TRA2B: variants seen among roughly 807,000 people sequenced by gnomAD.
The protein encoded by TRA2B is transformer 2 beta homolog.
TRA2B carries 14 observed loss-of-function variants against 41.7 expected under a neutral mutation model. The observed-to-expected ratio is 0.34, with a 90% confidence interval of 0.22 to 0.53. The LOEUF (loss-of-function observed/expected upper bound fraction) is 0.53, where lower values mean the gene tolerates loss of function less well. Ranked by LOEUF, TRA2B falls within the 20% of genes least tolerant of loss-of-function variation. TRA2B has a pLI of 0.95. For missense variants in TRA2B, 167 were observed against 396.8 expected (o/e 0.42, Z 4.92); for synonymous variants, 130 against 128.8 (o/e 1.01, Z -0.06).
chr3:185,937,945 C>A lies in TRA2B; in HGVS notation c.-85G>T, dbSNP rs954701002. On this transcript the variant is annotated 5_prime_UTR_variant, in exon 1 of 9. Coordinates refer to ENST00000453386, the MANE Select transcript of TRA2B (RefSeq NM_004593.3). ...CTTCCTTAAGGAGGCTCCGCCGCAG[C>A]CCCGCACGACGCGCCGGTCGCCCAG... 28 of 1,536,392 alleles carry A rather than the reference C, an allele frequency of 1.8e-5. No homozygotes were observed. The African/African-American group carries it at 3.8e-4, about 21-fold the overall frequency.
intron 3 of TRA2B, 78 bp downstream of exon 3, chr3:185,925,386 A>G: frequency 1.3e-6 from 2 of 1,528,622 alleles, no homozygotes; most frequent in South Asian, 1.3e-5. Context: ...CTAAAGCTCT[A>G]TTGTCAAAAT....
At chr3:185,923,322 T>C (rs1033678063) in intron 4 of TRA2B, 3 of 152,446 alleles carry the variant, frequency 2.0e-5, no homozygotes, top group African/African-American at 7.2e-5. Flanking sequence ...TACTTGGAGA[T>C]GACTTTAGCT....
At chr3:185,919,588 A>C (rs910352114) in intron 6 of TRA2B, 92 bp from the exon 7 acceptor site, 69 of 1,018,798 alleles carry the variant, frequency 6.8e-5, no homozygotes, top group Non-Finnish European at 9.5e-5. Context: ...ACTTTCATAG[A>C]GCATGAATGA....
intron 1 of TRA2B, among the ~76,000 whole-genome samples, chr3:185,937,622 G>T (rs534549193): frequency 7.9e-5 from 12 of 152,222 alleles, no homozygotes; most frequent in Non-Finnish European, 1.6e-4. Context: ...CCCGCCGGGG[G>T]CCTCCCTCCT....
At chr3:185,926,834 T>C in intron 1 of TRA2B, 100 bp from the exon 2 acceptor site, 1 of 1,438,038 alleles carries the variant, frequency 7.0e-7, no homozygotes, top group Non-Finnish European at 9.4e-7. Context: ...GCAATCCCCT[T>C]CCAAGATAAG....
chr3:185,918,063 G>A (rs1416456836), intron 8 of TRA2B, among the ~76,000 whole-genome samples: 2 of 151,930 alleles, frequency 1.3e-5, no homozygotes, highest in Non-Finnish European at 2.9e-5. Flanking sequence ...AACAACAGGA[G>A]TCTCTGAGCC....
chr3:185,926,881 T>C, intron 1 of TRA2B, 147 bp from the exon 2 acceptor site: 1 of 878,926 alleles, frequency 1.1e-6, no homozygotes, highest in Non-Finnish European at 1.7e-6. Context: ...ATATACCTGG[T>C]GTTAATAGTT....
chr3:185,926,872 T>A (rs532384502), intron 1 of TRA2B, 138 bp from the exon 2 acceptor site: 1 of 981,360 alleles, frequency 1.0e-6, no homozygotes, highest in East Asian at 2.7e-5. Flanking sequence ...AGGAACTGAA[T>A]ATACCTGGTG....
At chr3:185,934,582 A>C (rs943037030) in intron 1 of TRA2B, 1 of 985,398 alleles carries the variant, frequency 1.0e-6, no homozygotes. Context: ...CACAATACAA[A>C]ACAATTTCCT....
chr3:185,937,708 C>A (rs987611492), intron 1 of TRA2B, 117 bp downstream of exon 1: 2 of 1,434,498 alleles, frequency 1.4e-6, no homozygotes, highest in African/African-American at 2.8e-5. Context: ...CCTGCCCTCC[C>A]GGCTTCAGAC....
chr3:185,932,117 A>G (rs1279419982), intron 1 of TRA2B, among the ~76,000 whole-genome samples: 8 of 152,176 alleles, frequency 5.3e-5, no homozygotes, highest in African/African-American at 1.7e-4. Flanking sequence ...TTTACTGTTC[A>G]TTTAACATTT....
intron 1 of TRA2B, chr3:185,927,920 C>G (rs745548311): frequency 1.3e-5 from 2 of 152,160 alleles, no homozygotes; most frequent in African/African-American, 2.4e-5. Context: ...CAAAGTAAAG[C>G]CTGGTAAGCC....
At chr3:185,930,629 T>A (rs769971089) in intron 1 of TRA2B, among the ~76,000 whole-genome samples, 5 of 152,180 alleles carry the variant, frequency 3.3e-5, no homozygotes, top group Non-Finnish European at 5.9e-5. Context: ...TGTGTACTTG[T>A]CTCATTCAAC....
intron 1 of TRA2B, chr3:185,937,394 T>G: frequency 1.0e-6 from 1 of 1,002,554 alleles, no homozygotes; most frequent in Non-Finnish European, 1.2e-6. Flanking sequence ...CCGCTGCGGG[T>G]CGGGTCCGCG....
chr3:185,936,123 G>C (rs1744342647), intron 1 of TRA2B: 2 of 985,250 alleles, frequency 2.0e-6, no homozygotes, highest in African/African-American at 1.7e-5. Context: ...TTCTTCACGT[G>C]TATTCAATCG....
chr3:185,925,424 T>G, intron 3 of TRA2B, 40 bp downstream of exon 3: 1 of 1,599,408 alleles, frequency 6.3e-7, no homozygotes, highest in Non-Finnish European at 8.5e-7. Flanking sequence ...AAAAGTAAAT[T>G]TAGGCAGTTG....
intron 1 of TRA2B, chr3:185,935,485 G>C (rs1169496430): frequency 2.0e-6 from 2 of 985,284 alleles, no homozygotes; most frequent in Non-Finnish European, 2.4e-6. Context: ...CCTTAAAGGG[G>C]AGGGACACAA....
At chr3:185,928,782 G>A (rs966822807) in intron 1 of TRA2B, 2 of 152,212 alleles carry the variant, frequency 1.3e-5, no homozygotes, top group African/African-American at 4.8e-5. Context: ...TAAAGTAACT[G>A]TAGTTAACAG....
intron 6 of TRA2B, among the ~76,000 whole-genome samples, 172 bp downstream of exon 6, chr3:185,920,932 C>T (rs1349076121): frequency 6.6e-6 from 1 of 151,418 alleles, no homozygotes; most frequent in African/African-American, 2.4e-5. Context: ...TCCAGTTACA[C>T]ATTAAATTGA....
Sources: allele counts gnomAD v4.1 joint callset (sites outside exome capture counted in the v4.1 genomes callset), GRCh38; gene constraint gnomAD v4.1.1; transcripts MANE v1.5; gene names NCBI Gene and HGNC (gene_info 2026-07-23, HGNC 2026-07-21).